ZFYVE1: variants seen among roughly 807,000 people sequenced by gnomAD.
The protein encoded by ZFYVE1 is zinc finger FYVE-type containing 1.
Under a neutral mutation model 74.4 loss-of-function variants are expected in ZFYVE1, and 30 were observed. The observed-to-expected ratio is 0.40, with a 90% CI of 0.30 to 0.55. ZFYVE1 has a LOEUF of 0.55. ZFYVE1 is among the 20% of genes least tolerant of loss of function. The probability of loss-of-function intolerance (pLI) is 0.42; values close to 1 mark genes in which losing one functional copy is unlikely to be tolerated. For synonymous variants in ZFYVE1, 335 were observed against 385.1 expected, an observed-to-expected ratio of 0.87 and a Z score of 1.52; for missense variants, 703 against 1,011.6, an observed-to-expected ratio of 0.69 and a Z score of 4.14.
At chr14:72,974,649 C>G in intron 10 of ZFYVE1, 130 bp downstream of exon 10, 1 of 1,231,488 alleles carries the variant, frequency 8.1e-7, no homozygotes, top group East Asian at 2.5e-5. Flanking sequence ...TAGAGGCTGA[C>G]TGGCCAAGAC....
At chr14:72,978,810 G>A (rs746789080) in intron 6 of ZFYVE1, 51 bp downstream of exon 6, 1 of 1,483,550 alleles carries the variant, frequency 6.7e-7, no homozygotes, top group South Asian at 1.1e-5. Context: ...GCCAAAGAGA[G>A]AGTGGTCAGC....
chr14:72,999,108 G>A (rs772945051), intron 2 of ZFYVE1, among the ~76,000 whole-genome samples: 16 of 152,000 alleles, frequency 1.1e-4, no homozygotes, highest in Admixed American at 2.6e-4. Flanking sequence ...GTCTGGCAAC[G>A]TAACAAGACC....
At chr14:72,983,349 C>T (rs1408499117) in intron 4 of ZFYVE1, among the ~76,000 whole-genome samples, 3 of 117,364 alleles carry the variant, frequency 2.6e-5, no homozygotes, top group East Asian at 3.1e-4. Context: ...CTTCCCCCCT[C>T]CCCCCCACCC....
rs760145833 is a variant in ZFYVE1 at position 72,978,217 on chromosome 14, G to A, written c.1437C>T (p.Gly479=). 31 of 1,613,888 alleles carry A rather than the reference G, an allele frequency of 1.9e-5. No homozygotes were observed. Among genetic ancestry groups the A allele is most frequent in the Non-Finnish European group, 2.3e-5 (27 of 1,179,960 alleles). ...TTTTGGGCACTACACTGACTTCCTC[G>A]CCTCTCTCATAGCAGGCCTGAAACA... ...VYTCKACYER[G]EEVSVVPKTS... is the part of the protein sequence containing the mutation. The change falls in exon 7 of 12, where the codon GGC becomes GGT. Residue 479 remains glycine (G), a synonymous_variant. Transcript: ENST00000556143.
chr14:72,992,633 AAGAG>A lies in ZFYVE1; in HGVS notation c.1203+506_1203+509del, dbSNP rs928702904. Among the ~76,000 whole-genome samples the A allele has an allele frequency of 3.1e-4, 29 of 94,152 alleles. No homozygotes were observed. In the Admixed American group the frequency reaches 3.2e-3, roughly 10 times the overall value. The allele number at this position is 94,152 out of a possible 152,430, so 61.8% of individuals were successfully genotyped here. On this transcript the variant is annotated intron_variant, in intron 4 of 11. Transcript: ENST00000556143. ...TTCAGGTGCCCCCCCCGCCCCTTGC[AAGAG>A]AGAGAGAGCTGTTCTTTCTCTTTCT...
intron 4 of ZFYVE1, among the ~76,000 whole-genome samples, chr14:72,989,077 G>A (rs1006106054): frequency 5.3e-5 from 8 of 151,544 alleles, no homozygotes; most frequent in African/African-American, 1.9e-4. Context: ...ACAGGCACCC[G>A]CCACCACACC....
At chr14:72,976,967 T>C (rs1893188604) in intron 8 of ZFYVE1, among the ~76,000 whole-genome samples, 2 of 152,070 alleles carry the variant, frequency 1.3e-5, no homozygotes, top group African/African-American at 4.8e-5. Flanking sequence ...TCACTTGCCT[T>C]TTTTCCATGA....
chr14:72,985,674 AGAG>A (rs914807941), intron 4 of ZFYVE1, among the ~76,000 whole-genome samples: 1 of 152,060 alleles, frequency 6.6e-6, no homozygotes, highest in African/African-American at 2.4e-5. Context: ...AAAGAAAAAA[AGAG>A]GAGACACAGC....
chr14:73,010,383 C>T (rs1338159668), intron 2 of ZFYVE1, among the ~76,000 whole-genome samples: 2 of 152,136 alleles, frequency 1.3e-5, no homozygotes, highest in Admixed American at 1.3e-4. Context: ...AGGCAGATCA[C>T]CTGAGGTCGG....
chr14:72,976,520 C>A (rs1048514623), intron 8 of ZFYVE1, among the ~76,000 whole-genome samples: 2 of 152,124 alleles, frequency 1.3e-5, no homozygotes, highest in South Asian at 4.1e-4. Flanking sequence ...TGCGATGGCT[C>A]ACGCCTGTAA....
chr14:73,021,414 A>G (rs1039480485), intron 2 of ZFYVE1, among the ~76,000 whole-genome samples: 5 of 152,206 alleles, frequency 3.3e-5, no homozygotes, highest in African/African-American at 1.2e-4. Context: ...ATGTGACAAC[A>G]CCAATCCGTA....
chr14:73,018,515 C>T (rs539311586), intron 2 of ZFYVE1, among the ~76,000 whole-genome samples: 2 of 150,046 alleles, frequency 1.3e-5, no homozygotes, highest in South Asian at 4.3e-4. Flanking sequence ...AATCACTCTT[C>T]TTAATAATAC....
chr14:73,004,651 C>A (rs1450170342), intron 2 of ZFYVE1, among the ~76,000 whole-genome samples: 1 of 152,024 alleles, frequency 6.6e-6, no homozygotes, highest in Non-Finnish European at 1.5e-5. Flanking sequence ...GTTTTTTCTA[C>A]TGACAAGCAG....
chr14:72,976,441 A>G (rs1893171576), intron 8 of ZFYVE1, among the ~76,000 whole-genome samples: 1 of 152,176 alleles, frequency 6.6e-6, no homozygotes, highest in African/African-American at 2.4e-5. Flanking sequence ...TGAGACTACT[A>G]TATAATAACA....
At chr14:72,987,072 C>A (rs1424509137) in intron 4 of ZFYVE1, 1 of 555,738 alleles carries the variant, frequency 1.8e-6, no homozygotes, top group African/African-American at 2.0e-5. Flanking sequence ...AACAGTGTGG[C>A]TCTTTCTATT....
intron 2 of ZFYVE1, among the ~76,000 whole-genome samples, chr14:73,023,160 C>CAAAAAA (rs768012600): frequency 0.016 from 51 of 3,102 alleles, 6 homozygotes; most frequent in Admixed American, 0.029. Flanking sequence ...AATTCCATCT[C>CAAAAAA]AAAAAATATA....
At chr14:72,981,638 T>C (rs1893332422) in intron 5 of ZFYVE1, 151 bp downstream of exon 5, 6 of 698,978 alleles carry the variant, frequency 8.6e-6, no homozygotes, top group South Asian at 3.6e-5. Context: ...TGTGGGAACA[T>C]GGGAGTGTAC....
At chr14:73,007,069 G>A (rs1368707197) in intron 2 of ZFYVE1, among the ~76,000 whole-genome samples, 1 of 151,982 alleles carries the variant, frequency 6.6e-6, no homozygotes, top group Non-Finnish European at 1.5e-5. Flanking sequence ...ATCAACCTGC[G>A]ACCCAAGCAG....
intron 2 of ZFYVE1, among the ~76,000 whole-genome samples, chr14:73,004,795 T>G (rs1237445487): frequency 6.6e-6 from 1 of 152,056 alleles, no homozygotes; most frequent in Admixed American, 6.6e-5. Context: ...CCCAGGGGTT[T>G]GAGACCAGCC....
Sources: gnomAD v4.1 joint callset for allele counts (sites outside exome capture counted in the v4.1 genomes callset) on GRCh38, gnomAD v4.1.1 for gene constraint, MANE v1.5 for transcripts, NCBI Gene and HGNC (gene_info 2026-07-23, HGNC 2026-07-21) for gene names.